LRBA: variants seen among roughly 807,000 people sequenced by gnomAD.
The protein encoded by LRBA is lipopolysaccharide-responsive and beige-like anchor protein.
In LRBA, 176 loss-of-function variants were observed where a neutral mutation model predicts 330.0. The observed-to-expected ratio is 0.53, with a 90% confidence interval of 0.47 to 0.60. LRBA has a LOEUF of 0.60. LRBA is among the 20% of genes least tolerant of loss of function. The probability of loss-of-function intolerance (pLI) is 0.00; values close to 1 mark genes in which losing one functional copy is unlikely to be tolerated. For synonymous variants in LRBA, 1,230 were observed against 1,193.0 expected, an observed-to-expected ratio of 1.03 and a Z score of -0.64; for missense variants, 3,259 against 3,444.8, an observed-to-expected ratio of 0.95 and a Z score of 1.35.
chr4:150,466,603 C>T (rs760970336), intron 44 of LRBA, among the ~76,000 whole-genome samples: 1 of 152,082 alleles, frequency 6.6e-6, no homozygotes, highest in African/African-American at 2.4e-5. Flanking sequence ...AGGACCAACA[C>T]TGGGTCAGGG....
intron 37 of LRBA, among the ~76,000 whole-genome samples, chr4:150,612,067 G>A (rs1775327376): frequency 6.6e-6 from 1 of 151,962 alleles, no homozygotes; most frequent in African/African-American, 2.4e-5. Flanking sequence ...CATGCCAGGG[G>A]AATTTTTGCA....
Position 150,577,980 on chromosome 4 carries a change from C to T in LRBA, c.6330+10068G>A, listed in dbSNP as rs1321400010. ...CATTTCTTTTCAAATCCATACATTC[C>T]CTGCAGCCGTTCAAGCTTCATCAGC... On this transcript the variant is annotated intron_variant, in intron 40 of 56. Coordinates refer to ENST00000651943, the MANE Select transcript of LRBA (RefSeq NM_001364905.1). 3.9e-5 allele frequency among the ~76,000 whole-genome samples: 6 copies of T among 152,254 alleles called. No individual in the cohort carries two copies. The South Asian group carries it at 8.3e-4, about 21-fold the overall frequency.
intron 40 of LRBA, among the ~76,000 whole-genome samples, chr4:150,520,836 ATATAATAG>A (rs576603001): frequency 2.0e-5 from 3 of 152,308 alleles, no homozygotes; most frequent in African/African-American, 7.2e-5. Context: ...TAACTATGCT[ATATAATAG>A]TATAATAGTA....
At chr4:150,705,875 G>A (rs1025789205) in intron 36 of LRBA, among the ~76,000 whole-genome samples, 2 of 151,902 alleles carry the variant, frequency 1.3e-5, no homozygotes, top group Non-Finnish European at 2.9e-5. Flanking sequence ...CTCTGCTAAA[G>A]TCAGGAACAA....
intron 17 of LRBA, among the ~76,000 whole-genome samples, chr4:150,879,955 G>A (rs1012903511): frequency 2.6e-5 from 4 of 151,998 alleles, no homozygotes; most frequent in Non-Finnish European, 5.9e-5. Flanking sequence ...TAAACAAAAA[G>A]AACAAAGCTG....
At chr4:150,979,931 C>T (rs989602331) in intron 2 of LRBA, among the ~76,000 whole-genome samples, 6 of 151,954 alleles carry the variant, frequency 3.9e-5, no homozygotes, top group South Asian at 2.1e-4. Flanking sequence ...CAAATTATTC[C>T]GAAAAATAGG....
chr4:150,928,685 G>A (rs1238754179), intron 3 of LRBA, 69 bp from the exon 4 acceptor site: 2 of 1,361,422 alleles, frequency 1.5e-6, no homozygotes, highest in Non-Finnish European at 2.1e-6. Flanking sequence ...AATAAACTGT[G>A]CTTATTTAAG....
intron 56 of LRBA, among the ~76,000 whole-genome samples, chr4:150,270,311 C>T (rs1474889835): frequency 6.6e-6 from 1 of 152,158 alleles, no homozygotes; most frequent in African/African-American, 2.4e-5. Flanking sequence ...GTAGAAACAA[C>T]CCAAGTGTCC....
intron 54 of LRBA, 80 bp downstream of exon 54, chr4:150,285,853 G>T: frequency 1.3e-6 from 1 of 796,434 alleles, no homozygotes; most frequent in Non-Finnish European, 1.9e-6. Flanking sequence ...TAGAAAAAAG[G>T]TACCAAATTA....
chr4:150,468,788 G>A (rs911690708), intron 43 of LRBA, among the ~76,000 whole-genome samples: 8 of 151,612 alleles, frequency 5.3e-5, no homozygotes, highest in Non-Finnish European at 1.0e-4. Flanking sequence ...TATTAAAGTA[G>A]TTCTCTGTAC....
intron 35 of LRBA, among the ~76,000 whole-genome samples, chr4:150,759,803 A>G (rs529924515): frequency 6.6e-6 from 1 of 152,314 alleles, no homozygotes; most frequent in East Asian, 1.9e-4. Context: ...ATAGTGTGTA[A>G]TAAATAGATG....
rs530019777 is a variant in LRBA at position 151,004,233 on chromosome 4, C to T, written c.216+10194G>A. ...TGTATTTTTAGTAGAGAGGGGGTTT[C>T]ACCATCTTGGCCACGCTGTTCTTGA... On this transcript the variant is annotated intron_variant, in intron 2 of 56. Coordinates refer to ENST00000651943, the MANE Select transcript of LRBA (RefSeq NM_001364905.1). 1.7e-4 allele frequency among the ~76,000 whole-genome samples: 26 copies of T among 152,250 alleles called. 1 individual carries two copies. In the South Asian group the frequency reaches 5.2e-3, roughly 30 times the overall value.
intron 55 of LRBA, among the ~76,000 whole-genome samples, chr4:150,279,878 T>C (rs994221005): frequency 4.6e-5 from 7 of 152,222 alleles, no homozygotes; most frequent in Admixed American, 1.3e-4. Flanking sequence ...GCTACACTTA[T>C]AAAATTCAGC....
intron 53 of LRBA, among the ~76,000 whole-genome samples, chr4:150,293,675 A>G (rs1416421580): frequency 1.3e-5 from 2 of 152,236 alleles, no homozygotes; most frequent in African/African-American, 4.8e-5. Context: ...TATGATACAT[A>G]TAAATGTTGG....
rs141111908 is a variant in LRBA at position 150,412,260 on chromosome 4, A to C, written c.7194+3178T>G. The stretch of plus-strand genomic sequence containing the variant: ...TCTAAACAATGAAGACATCTATAAA[A>C]CTCAAGCAGTAGGAATCACTGGGAA... On this transcript the variant is annotated intron_variant, in intron 47 of 56. Coordinates refer to ENST00000651943, the MANE Select transcript of LRBA (RefSeq NM_001364905.1). 1.8e-3 allele frequency among the ~76,000 whole-genome samples: 268 copies of C among 152,278 alleles called. 6 individuals are homozygous for C. The East Asian group carries it at 0.041, about 24-fold the overall frequency.
At chr4:150,613,378 G>A (rs1452140912) in intron 37 of LRBA, among the ~76,000 whole-genome samples, 1 of 152,190 alleles carries the variant, frequency 6.6e-6, no homozygotes, top group African/African-American at 2.4e-5. Flanking sequence ...CACAAATTGA[G>A]TCAAAGAGTT....
intron 40 of LRBA, among the ~76,000 whole-genome samples, chr4:150,491,411 G>A (rs1381403375): frequency 2.0e-5 from 3 of 151,962 alleles, no homozygotes; most frequent in Non-Finnish European, 4.4e-5. Context: ...TGTCATATAT[G>A]CTTATAAATC....
intron 44 of LRBA, among the ~76,000 whole-genome samples, chr4:150,448,824 G>A (rs200328263): frequency 0.065 from 1,929 of 29,650 alleles, 27 homozygotes; most frequent in East Asian, 0.21. Flanking sequence ...AAAAAAAAAG[G>A]GGGGGGGGGT....
chr4:150,920,745 C>T (rs997188632), intron 5 of LRBA, among the ~76,000 whole-genome samples: 3 of 151,666 alleles, frequency 2.0e-5, no homozygotes, highest in Non-Finnish European at 4.4e-5. Flanking sequence ...ACACTGAGAC[C>T]AACATAATTT....
Sources: allele counts gnomAD v4.1 joint callset (sites outside exome capture counted in the v4.1 genomes callset), GRCh38; gene constraint gnomAD v4.1.1; transcripts MANE v1.5; gene names NCBI Gene and HGNC (gene_info 2026-07-23, HGNC 2026-07-21).